CSMD1: variants seen among roughly 807,000 people sequenced by gnomAD.
The protein encoded by CSMD1 is CUB and Sushi multiple domains 1.
In CSMD1, 213 loss-of-function variants were observed where a neutral mutation model predicts 417.5. The observed-to-expected ratio is 0.51, with a 90% CI of 0.46 to 0.57. The LOEUF (loss-of-function observed/expected upper bound fraction) is 0.57. Among genes scored for constraint, CSMD1 ranks in the 20% least tolerant of loss-of-function variants. The pLI is 0.00. For missense variants in CSMD1, 6,923 were observed against 4,529.7 expected, an observed-to-expected ratio of 1.53 and a Z score of -15.17; for synonymous variants, 2,862 against 1,736.8, an observed-to-expected ratio of 1.65 and a Z score of -16.11.
At chr8:4,154,100 G>C (rs1445822223) in intron 3 of CSMD1, among the ~76,000 whole-genome samples, 2 of 152,196 alleles carry the variant, frequency 1.3e-5, no homozygotes, top group Non-Finnish European at 2.9e-5. Context: ...ATACAGCAAA[G>C]AGTCAGGAGT....
At chr8:4,596,945 C>T (rs1292232127) in intron 2 of CSMD1, among the ~76,000 whole-genome samples, 1 of 152,124 alleles carries the variant, frequency 6.6e-6, no homozygotes, top group Non-Finnish European at 1.5e-5. Flanking sequence ...TTGTTTCTTC[C>T]TCATTTTCTC....
intron 5 of CSMD1, among the ~76,000 whole-genome samples, chr8:3,858,088 C>T (rs779484832): frequency 5.7e-4 from 86 of 152,166 alleles, no homozygotes; most frequent in Non-Finnish European, 1.0e-3. Flanking sequence ...TGTGACTGTC[C>T]AATTGAATTT....
intron 2 of CSMD1, among the ~76,000 whole-genome samples, chr8:4,532,285 C>A (rs765752218): frequency 6.6e-5 from 10 of 150,678 alleles, no homozygotes; most frequent in Admixed American, 2.6e-4. Context: ...AGAAATCCTG[C>A]AAGCCCATTC....
chr8:4,171,918 G>T (rs984794158), intron 3 of CSMD1, among the ~76,000 whole-genome samples: 4 of 152,018 alleles, frequency 2.6e-5, no homozygotes, highest in African/African-American at 9.7e-5. Context: ...CATAAATTAT[G>T]TTTCTCGCAA....
At chr8:4,455,492 G>A (rs115717439) in intron 2 of CSMD1, among the ~76,000 whole-genome samples, 112 of 152,250 alleles carry the variant, frequency 7.4e-4, no homozygotes, top group African/African-American at 2.6e-3. Flanking sequence ...AATAGAGGAA[G>A]CTGGTTTCCA....
At chr8:4,415,823 G>A (rs930095890) in intron 3 of CSMD1, among the ~76,000 whole-genome samples, 1 of 152,188 alleles carries the variant, frequency 6.6e-6, no homozygotes, top group Non-Finnish European at 1.5e-5. Context: ...TTTTGAGTAT[G>A]TATTTGTGTA....
chr8:2,971,637 G>C (rs1022955100), intron 57 of CSMD1, among the ~76,000 whole-genome samples: 3 of 152,156 alleles, frequency 2.0e-5, no homozygotes, highest in Admixed American at 2.0e-4. Flanking sequence ...TGAAAGAGTA[G>C]AAAACACTCT....
intron 2 of CSMD1, among the ~76,000 whole-genome samples, chr8:4,520,785 A>C (rs1803403858): frequency 6.6e-6 from 1 of 152,232 alleles, no homozygotes; most frequent in Non-Finnish European, 1.5e-5. Context: ...AGATTATTGC[A>C]ATGAAAATTT....
At chr8:4,430,405 G>C (rs954566331) in intron 2 of CSMD1, among the ~76,000 whole-genome samples, 2 of 152,034 alleles carry the variant, frequency 1.3e-5, no homozygotes, top group African/African-American at 4.8e-5. Context: ...TTACCTCATG[G>C]TTATGACATA....
chr8:3,122,080 T>C (rs945992525), intron 41 of CSMD1, among the ~76,000 whole-genome samples: 3 of 152,060 alleles, frequency 2.0e-5, no homozygotes, highest in Admixed American at 1.3e-4. Context: ...TAATATGAAA[T>C]TAGAAACAGT....
chr8:3,935,282 T>C (rs1810407665), intron 5 of CSMD1, among the ~76,000 whole-genome samples: 1 of 152,216 alleles, frequency 6.6e-6, no homozygotes, highest in African/African-American at 2.4e-5. Flanking sequence ...TCATAGATAC[T>C]GTATTTGATA....
chr8:3,672,733 A>G (rs1230291054), intron 7 of CSMD1, among the ~76,000 whole-genome samples: 1 of 152,096 alleles, frequency 6.6e-6, no homozygotes, highest in Non-Finnish European at 1.5e-5. Flanking sequence ...GCCATGGTGG[A>G]TGTATTTAAA....
chr8:4,447,673 T>A (rs528109905), intron 2 of CSMD1, among the ~76,000 whole-genome samples: 1 of 152,306 alleles, frequency 6.6e-6, no homozygotes, highest in East Asian at 1.9e-4. Context: ...TTCCACACTC[T>A]CCTGTGACCT....
rs73658496 is a variant in CSMD1, at chr8:4,228,043, C to A, written c.415+191910G>T. On this transcript the variant is annotated intron_variant, in intron 3 of 69. Coordinates refer to ENST00000635120, the MANE Select transcript of CSMD1 (RefSeq NM_033225.6). Reference sequence around the variant, plus strand: ...CTCCACCCCACATTAAATCCCACACCAGGAAGCACGCCCTCTAACTTGCAT... The same window carrying A: ...CTCCACCCCACATTAAATCCCACACAAGGAAGCACGCCCTCTAACTTGCAT... Among the ~76,000 whole-genome samples the A allele has an allele frequency of 8.7e-3, 1,326 of 151,904 alleles. 27 individuals are homozygous for A. Among genetic ancestry groups the A allele is most frequent in the African/African-American group, 0.03 (1,235 of 41,428 alleles).
intron 2 of CSMD1, among the ~76,000 whole-genome samples, chr8:4,572,718 A>C (rs1445655223): frequency 3.9e-5 from 6 of 152,186 alleles, no homozygotes; most frequent in Admixed American, 3.9e-4. Flanking sequence ...GTGTTTTCCA[A>C]CTTGGTTCCA....
At chr8:4,864,613 C>G (rs997577800) in intron 1 of CSMD1, among the ~76,000 whole-genome samples, 1 of 151,390 alleles carries the variant, frequency 6.6e-6, no homozygotes, top group Non-Finnish European at 1.5e-5. Context: ...TAGTTACTAG[C>G]TTTATTAATT....
At chr8:3,980,251 T>C (rs559922063) in intron 5 of CSMD1, among the ~76,000 whole-genome samples, 3 of 152,198 alleles carry the variant, frequency 2.0e-5, no homozygotes, top group Non-Finnish European at 4.4e-5. Context: ...AACTTAACTA[T>C]TAGGGGAAAA....
intron 10 of CSMD1, among the ~76,000 whole-genome samples, chr8:3,503,432 G>A (rs1352997445): frequency 3.9e-5 from 6 of 152,226 alleles, no homozygotes; most frequent in Non-Finnish European, 7.3e-5. Context: ...AGTTTGCACA[G>A]GCAGTGAAAA....
chr8:4,486,208 T>C (rs80177650), intron 2 of CSMD1, among the ~76,000 whole-genome samples: 16 of 10,710 alleles, frequency 1.5e-3, no homozygotes, highest in South Asian at 0.013. Context: ...TACATACATA[T>C]ATATATATAT....
Sources: allele counts gnomAD v4.1 joint callset (sites outside exome capture counted in the v4.1 genomes callset), GRCh38; gene constraint gnomAD v4.1.1; transcripts MANE v1.5; gene names NCBI Gene and HGNC (gene_info 2026-07-23, HGNC 2026-07-21).